Variants in SCN4A observed in about 807,000 individuals in gnomAD.
SCN4A encodes the protein sodium channel protein type 4 subunit alpha.
In SCN4A, 83 loss-of-function variants were observed where a neutral mutation model predicts 162.0. That is an observed-to-expected ratio of 0.51 (90% CI 0.43 to 0.61). The LOEUF (loss-of-function observed/expected upper bound fraction) is 0.61. Ranked by LOEUF, SCN4A falls within the 20% of genes least tolerant of loss-of-function variation. The probability of loss-of-function intolerance (pLI) is 0.00; values close to 1 mark genes in which losing one functional copy is unlikely to be tolerated. For missense variants in SCN4A, 2,196 were observed against 2,462.5 expected (o/e 0.89, Z 2.29); for synonymous variants, 944 against 985.1 (o/e 0.96, Z 0.78).
At position 63,941,146 on chromosome 17, in the gene SCN4A, C is replaced by T. The variant is rs1303280113; in HGVS notation, c.5136G>A (p.Lys1712=). 1 of 1,613,906 alleles carries T rather than the reference C, an allele frequency of 6.2e-7. No individual in the cohort carries two copies. ...TGGTGGTGATGGGCTCGTAGGACAC[C>T]TTGGAGGGGTTGGCTGCCATGAACT... ...EEKFMAANPS[K]VSYEPITTTL... The change falls in exon 24 of 24, where the codon AAG becomes AAA. Residue 1712 remains lysine (K), a synonymous_variant. Transcript: ENST00000435607. This position sits in a 1 kb window ranked among gnomAD's most constrained non-coding sequence, Gnocchi z 6.2.
In SCN4A at chr17:63,959,794, C is replaced by T. The variant is rs79315238; in HGVS notation, c.1846-356G>A. Among the ~76,000 whole-genome samples, 1,172 of 152,274 alleles carry T rather than the reference C, an allele frequency of 7.7e-3. 14 individuals are homozygous for T. The highest frequency in any genetic ancestry group is 0.013 in the Non-Finnish European group (917 of 68,006). On this transcript the variant is annotated intron_variant, in intron 11 of 23. Coordinates refer to ENST00000435607, the MANE Select transcript of SCN4A (RefSeq NM_000334.4). ...TGTGACTTCACTGGTATCCTGATCT[C>T]TACAATGTTGGGAGGGATTCTCACA... is the stretch of plus-strand genomic sequence containing the variant.
chr17:63,960,374 G>A (rs1277582438), intron 11 of SCN4A, among the ~76,000 whole-genome samples: 7 of 152,256 alleles, frequency 4.6e-5, no homozygotes, highest in Non-Finnish European at 8.8e-5. Flanking sequence ...TAGGACAGAC[G>A]TGCCTGCCTC....
Position 63,940,810 on chromosome 17 carries a change from C to T in SCN4A, c.5472G>A (p.Gly1824=), listed in dbSNP as rs576801452. The T allele has an allele frequency of 7.1e-5, 113 of 1,602,092 alleles. 2 individuals are homozygous for T. In the South Asian group the frequency reaches 1.2e-3, roughly 17 times the overall value. Residue 1824 remains glycine (G), a synonymous_variant, in exon 24 of 24, where the codon GGG becomes GGA. Coordinates refer to ENST00000435607, the MANE Select transcript of SCN4A (RefSeq NM_000334.4). ...CCTTGACACCTGGGCGCACAGTCTG[C>T]CCTGGGGGAGGGGCGGGAGGCCAGG... ...DTAWPPAPPP[G]QTVRPGVKES...
intron 13 of SCN4A, among the ~76,000 whole-genome samples, chr17:63,953,290 G>A (rs1157038371): frequency 1.3e-5 from 2 of 152,058 alleles, no homozygotes; most frequent in African/African-American, 4.8e-5. Flanking sequence ...AACCCGGGAG[G>A]TGGAGGTTGC....
At chr17:63,954,814 T>TG (rs1909021515) in intron 13 of SCN4A, among the ~76,000 whole-genome samples, 1 of 152,124 alleles carries the variant, frequency 6.6e-6, no homozygotes, top group Non-Finnish European at 1.5e-5. Context: ...GTCAGTGGTG[T>TG]GTTCGTGTGT....
In SCN4A at chr17:63,950,103, G is replaced by T. The variant is rs1281304637; in HGVS notation, c.2854-575C>A. ...GTGGGGGAGGCGGGTGCTCCAGCCGGGCCAGGCTTCCTCCCACCTCCTCCT... is the reference window on the plus strand; with the variant it reads ...GTGGGGGAGGCGGGTGCTCCAGCCGTGCCAGGCTTCCTCCCACCTCCTCCT... On this transcript the variant is annotated intron_variant, in intron 14 of 23. Coordinates refer to ENST00000435607, the MANE Select transcript of SCN4A (RefSeq NM_000334.4). The surrounding 1 kb of genome is among the most constrained non-coding windows in gnomAD (Gnocchi z 4.6). Among the ~76,000 whole-genome samples the T allele has an allele frequency of 6.6e-6, 1 of 152,100 alleles. No individual in the cohort carries two copies. The highest frequency in any genetic ancestry group is 6.5e-5 in the Admixed American group (1 of 15,272).
chr17:63,967,411 C>T (rs1196849497), intron 6 of SCN4A, among the ~76,000 whole-genome samples: 1 of 152,052 alleles, frequency 6.6e-6, no homozygotes, highest in Non-Finnish European at 1.5e-5. Flanking sequence ...CCTCGCCCTC[C>T]CAAAGTGCTG....
chr17:63,951,413 C>A lies in SCN4A; in HGVS notation c.2853+11G>T, dbSNP rs1029152790. 1.3e-6 allele frequency: 2 copies of A among 1,563,800 alleles called. No homozygotes were observed. Among genetic ancestry groups the A allele is most frequent in the East Asian group, 2.3e-5 (1 of 44,348 alleles). On this transcript the variant is annotated intron_variant, in intron 14 of 23. Coordinates refer to ENST00000435607, the MANE Select transcript of SCN4A (RefSeq NM_000334.4). The surrounding 1 kb of genome is among the most constrained non-coding windows in gnomAD (Gnocchi z 4.5). ...GAAGCCGGGTCTGTCTGAGCCCCAGCCCCGGCTCACCTTGCTATCCTCAGG... is the reference window on the plus strand; with the variant it reads ...GAAGCCGGGTCTGTCTGAGCCCCAGACCCGGCTCACCTTGCTATCCTCAGG...
intron 22 of SCN4A, 82 bp from the exon 23 acceptor site, chr17:63,943,178 TG>T: frequency 1.4e-6 from 2 of 1,412,244 alleles, no homozygotes; most frequent in South Asian, 2.6e-5. Flanking sequence ...AGGCACAGGA[TG>T]GCACCACAGC....
At position 63,945,386 on chromosome 17, in the gene SCN4A, G is replaced by A; in HGVS notation, c.3694C>T (p.Leu1232=). 1 of 1,612,716 alleles carries A rather than the reference G, an allele frequency of 6.2e-7. No homozygotes were observed. Among genetic ancestry groups the A allele is most frequent in the Non-Finnish European group, 8.5e-7 (1 of 1,178,766 alleles). The part of the protein sequence containing the change: ...NVKVNYDNVG[L]GYLSLLQVAT... ...ACCTGCAGGAGGGAGAGGTAGCCCA[G>A]ACCCACGTTGTCGTAGTTGACCTTG... is the stretch of plus-strand genomic sequence containing the variant. The change falls in exon 19 of 24, where the codon CTG becomes TTG. Residue 1232 remains leucine (L), a synonymous_variant. Coordinates refer to ENST00000435607, the MANE Select transcript of SCN4A (RefSeq NM_000334.4). The surrounding 1 kb of genome is among the most constrained non-coding windows in gnomAD (Gnocchi z 4.4).
intron 10 of SCN4A, among the ~76,000 whole-genome samples, chr17:63,963,202 G>C (rs575318051): frequency 1.3e-5 from 2 of 152,188 alleles, no homozygotes; most frequent in Non-Finnish European, 2.9e-5. Context: ...GTGGCACAGG[G>C]ATTGGGGAGT....
At chr17:63,946,462 GCCCC>G (rs374261223) in intron 18 of SCN4A, among the ~76,000 whole-genome samples, 1 of 106,662 alleles carries the variant, frequency 9.4e-6, no homozygotes, top group African/African-American at 4.4e-5. Flanking sequence ...CATTTTTCTT[GCCCC>G]CCCCCCCACC....
At chr17:63,959,527 G>A in intron 11 of SCN4A, 89 bp from the exon 12 acceptor site, 1 of 1,265,726 alleles carries the variant, frequency 7.9e-7, no homozygotes, top group South Asian at 1.3e-5. Context: ...CCTGGCAGAG[G>A]CTGCGGGGGC....
chr17:63,945,387 A>G lies in SCN4A; in HGVS notation c.3693T>C (p.Gly1231=). 3 of 1,612,636 alleles carry G rather than the reference A, an allele frequency of 1.9e-6. No individual in the cohort carries two copies. Among genetic ancestry groups the G allele is most frequent in the Non-Finnish European group, 2.5e-6 (3 of 1,178,744 alleles). The change falls in exon 19 of 24, where the codon GGT becomes GGC. Residue 1231 remains glycine, a synonymous_variant. Coordinates refer to ENST00000435607, the MANE Select transcript of SCN4A (RefSeq NM_000334.4). This position sits in a 1 kb window ranked among gnomAD's most constrained non-coding sequence, Gnocchi z 4.4. ...LNVKVNYDNV[G]LGYLSLLQVA... Reference sequence around the variant, plus strand: ...CCTGCAGGAGGGAGAGGTAGCCCAGACCCACGTTGTCGTAGTTGACCTTGA... The same window carrying G: ...CCTGCAGGAGGGAGAGGTAGCCCAGGCCCACGTTGTCGTAGTTGACCTTGA...
rs1340743627 is a variant in SCN4A at position 63,972,101 on chromosome 17, C to T, written c.482+35G>A. Reference sequence around the variant, plus strand: ...CAAACACCTGAGATGGGCTGTGTCCCAGGGCTGGGGAGCTCAGGGAGCAGG... The same window carrying T: ...CAAACACCTGAGATGGGCTGTGTCCTAGGGCTGGGGAGCTCAGGGAGCAGG... On this transcript the variant is annotated intron_variant, in intron 3 of 23. Coordinates refer to ENST00000435607, the MANE Select transcript of SCN4A (RefSeq NM_000334.4). The surrounding 1 kb of genome is among the most constrained non-coding windows in gnomAD (Gnocchi z 4.3). 13 of 1,527,408 alleles carry T rather than the reference C, an allele frequency of 8.5e-6. No homozygotes were observed. Among genetic ancestry groups the T allele is most frequent in the Non-Finnish European group, 1.2e-5 (13 of 1,106,904 alleles). 94.6% of individuals were successfully genotyped at this position (1,527,408 alleles called of 1,614,324 possible). A position where few individuals can be genotyped will look rare whatever the true frequency, so the allele number is the denominator to read the frequency against.
intron 10 of SCN4A, 157 bp from the exon 11 acceptor site, chr17:63,961,588 C>T: frequency 1.6e-6 from 1 of 609,308 alleles, no homozygotes. Flanking sequence ...CCGCCTCTTG[C>T]GTCACCCTTA....
In SCN4A at chr17:63,943,000, C is replaced by G. The variant is rs558323439; in HGVS notation, c.4114G>C (p.Val1372Leu). Residue 1372 changes from valine (V) to leucine (L), a missense_variant, in exon 23 of 24, where the codon GTG (valine) becomes CTG (leucine). By Grantham distance (32) the Val-to-Leu change is conservative. Coordinates refer to ENST00000435607, the MANE Select transcript of SCN4A (RefSeq NM_000334.4). ...AGCTGGCTCTGGTTGTCTGTCTCCA[C>G]CATCATGGTGACCATGTTGAGGCAG... ...LICLNMVTMMVETDNQSQLKV... is the reference protein window; with the variant it reads ...LICLNMVTMMLETDNQSQLKV... 6.2e-7 allele frequency: 1 copy of G among 1,613,962 alleles called. No homozygotes were observed. The highest frequency in any genetic ancestry group is 1.1e-5 in the South Asian group (1 of 91,080).
chr17:63,946,336 T>C (rs954580728), intron 18 of SCN4A, among the ~76,000 whole-genome samples: 1 of 152,080 alleles, frequency 6.6e-6, no homozygotes, highest in South Asian at 2.1e-4. Context: ...GGCTGGCCTC[T>C]TGCAGGGACA....
intron 5 of SCN4A, 84 bp from the exon 6 acceptor site, chr17:63,968,439 T>C (rs1012394307): frequency 1.2e-5 from 13 of 1,117,534 alleles, no homozygotes; most frequent in East Asian, 2.4e-5. Flanking sequence ...GCCAAGCTTT[T>C]TCCTACTCCA....
Sources: allele counts gnomAD v4.1 joint callset (sites outside exome capture counted in the v4.1 genomes callset), GRCh38; gene constraint gnomAD v4.1.1; non-coding constraint Gnocchi (gnomAD v3.1); transcripts MANE v1.5; gene names NCBI Gene and HGNC (gene_info 2026-07-23, HGNC 2026-07-21).